Variants in HIP1R observed in about 807,000 individuals in gnomAD.
The protein encoded by HIP1R is huntingtin-interacting protein 1-related protein.
A neutral mutation model predicts 144.2 loss-of-function variants in HIP1R; 135 were observed. The ratio of observed to expected loss-of-function variants is 0.94; its 90% CI spans 0.81 to 1.08. The LOEUF (loss-of-function observed/expected upper bound fraction) is 1.08, where lower values mean the gene tolerates loss of function less well. HIP1R is among the 50% of genes least tolerant of loss of function. HIP1R has a pLI of 0.00. For synonymous variants in HIP1R, 698 were observed against 612.8 expected (o/e 1.14, Z -2.05); for missense variants, 1,462 against 1,432.8 (o/e 1.02, Z -0.33).
At chr12:122,835,436 G>A (rs1566097976), upstream of HIP1R, 5 of 1,141,398 alleles carry the variant, frequency 4.4e-6, no homozygotes, top group Non-Finnish European at 5.4e-6. Context: ...CTCCTCCCCG[G>A]CGGGCGGGCC....
At chr12:122,858,811 C>G (rs2033675307) in intron 20 of HIP1R, 27 bp from the exon 21 acceptor site, 2 of 1,522,576 alleles carry the variant, frequency 1.3e-6, no homozygotes, top group Non-Finnish European at 1.8e-6. Flanking sequence ...CATCCTCCCC[C>G]AACCTTGGCC....
At chr12:122,859,602 G>T in intron 23 of HIP1R, 66 bp downstream of exon 23, 1 of 1,429,560 alleles carries the variant, frequency 7.0e-7, no homozygotes, top group Non-Finnish European at 9.7e-7. Context: ...GCCCCAACTG[G>T]GCTGGGTACA....
In HIP1R at chr12:122,859,549, T is replaced by G. The variant is rs1430134711; in HGVS notation, c.2406+13T>G. ...GCGGAGGATTGAGGTGAGCACGGGA[T>G]CTGGGGACTCCCCTCATTCCTGTGG... is the stretch of plus-strand genomic sequence containing the variant. On this transcript the variant is annotated intron_variant, in intron 23 of 31. Transcript: ENST00000253083. The G allele has an allele frequency of 1.3e-6, 2 of 1,593,154 alleles. No homozygotes were observed. The highest frequency in any genetic ancestry group is 1.7e-6 in the Non-Finnish European group (2 of 1,162,120).
intron 22 of HIP1R, 40 bp from the exon 23 acceptor site, chr12:122,859,386 G>GC (rs747699397): frequency 9.6e-6 from 15 of 1,565,098 alleles, no homozygotes; most frequent in African/African-American, 1.4e-5. Flanking sequence ...GGGACGGGGG[G>GC]GGACGGAGGC....
intron 2 of HIP1R, 28 bp from the exon 3 acceptor site, chr12:122,848,438 G>A: frequency 6.3e-7 from 1 of 1,594,518 alleles, no homozygotes; most frequent in East Asian, 2.2e-5. Flanking sequence ...TCCAGTCTCT[G>A]CTTCCACACT....
Position 122,855,065 on chromosome 12 carries a change from C to CAGACA in HIP1R, c.789_790insAGACA (p.Phe264ArgfsTer43). On this transcript the variant is annotated frameshift_variant, in exon 10 of 32. Transcript: ENST00000253083. LOFTEE classifies it high-confidence loss of function. The stretch of plus-strand genomic sequence containing the variant: ...ACCATCTCTGCAGCCTCAGGAACTT[C>CAGACA]TTCCGCAGAGCCTCCGACATGCTGT... 1 of 1,613,930 alleles carries CAGACA rather than the reference C, an allele frequency of 6.2e-7. No individual in the cohort carries two copies. Among genetic ancestry groups the CAGACA allele is most frequent in the Non-Finnish European group, 8.5e-7 (1 of 1,180,018 alleles).
intron 1 of HIP1R, among the ~76,000 whole-genome samples, chr12:122,843,917 T>C (rs915353682): frequency 1.3e-5 from 2 of 152,170 alleles, no homozygotes; most frequent in Non-Finnish European, 2.9e-5. Flanking sequence ...AGTGGCATGA[T>C]CTTGGTCACT....
intron 8 of HIP1R, among the ~76,000 whole-genome samples, chr12:122,854,588 T>G (rs78501984): frequency 0.074 from 11,199 of 151,268 alleles, 646 homozygotes; most frequent in South Asian, 0.16. Flanking sequence ...TGAGAACCAC[T>G]GTGTTAGTGT....
chr12:122,861,691 C>T lies in HIP1R; in HGVS notation c.3160-15C>T. On this transcript the variant is annotated splice_polypyrimidine_tract_variant and intron_variant, in intron 31 of 31. Transcript: ENST00000253083. ...CTGGCTGTGACCACTGACCCCCCACCTTTAACCCCTGCAGCTTGACAAAAA... is the reference window on the plus strand; with the variant it reads ...CTGGCTGTGACCACTGACCCCCCACTTTTAACCCCTGCAGCTTGACAAAAA... 1 of 1,614,024 alleles carries T rather than the reference C, an allele frequency of 6.2e-7. No individual in the cohort carries two copies. Among genetic ancestry groups the T allele is most frequent in the Non-Finnish European group, 8.5e-7 (1 of 1,179,948 alleles).
rs936455820 is a variant in HIP1R at position 122,850,242 on chromosome 12, C to T, written c.438+287C>T. On this transcript the variant is annotated intron_variant, in intron 5 of 31. Transcript: ENST00000253083. ...GTCTCTGCTGTGCTGGCCGGGTGCT[C>T]CCCTCCTCCCAACCCCTCCACTGCC... is the stretch of plus-strand genomic sequence containing the variant. 5.5e-5 allele frequency: 32 copies of T among 582,602 alleles called. No homozygotes were observed. In the Admixed American group the frequency reaches 6.5e-4, roughly 12 times the overall value. The allele number at this position is 582,602 out of a possible 1,614,324, so 36.1% of individuals were successfully genotyped here.
In HIP1R at chr12:122,841,814, C is replaced by T. The variant is rs757520732; in HGVS notation, c.93+6171C>T. 8.5e-5 allele frequency among the ~76,000 whole-genome samples: 13 copies of T among 152,292 alleles called. 1 individual carries two copies. Among genetic ancestry groups the T allele is most frequent in the East Asian group, 3.9e-4 (2 of 5,172 alleles). On this transcript the variant is annotated intron_variant, in intron 1 of 31. Transcript: ENST00000253083. ...TCCTCCTACTACTGGGTGTCACCCA[C>T]AAAGCCTGGGGCGGAGGTGGCAGTG...
At chr12:122,849,159 G>A (rs1044221574) in intron 4 of HIP1R, among the ~76,000 whole-genome samples, 4 of 152,252 alleles carry the variant, frequency 2.6e-5, no homozygotes, top group African/African-American at 7.2e-5. Flanking sequence ...GTGGCAGGGC[G>A]CAGGTTCCTG....
At chr12:122,837,776 G>A (rs937978413) in intron 1 of HIP1R, among the ~76,000 whole-genome samples, 1 of 152,318 alleles carries the variant, frequency 6.6e-6, no homozygotes, top group Admixed American at 6.5e-5. Flanking sequence ...GGGTTTGCTC[G>A]TCTTCACAGT....
intron 5 of HIP1R, 58 bp downstream of exon 5, chr12:122,850,013 C>T (rs748380036): frequency 5.9e-5 from 67 of 1,140,056 alleles, no homozygotes; most frequent in East Asian, 5.6e-4. Flanking sequence ...CCCACTGTGA[C>T]GTTATGGCAC....
In HIP1R at chr12:122,848,782, T is replaced by A; in HGVS notation, c.301-14T>A. ...CCTGGACACTCCCCCACTCCCGTATTCCCTGCGCTGCAGGTGCTGCATGAC... is the reference window on the plus strand; with the variant it reads ...CCTGGACACTCCCCCACTCCCGTATACCCTGCGCTGCAGGTGCTGCATGAC... On this transcript the variant is annotated splice_polypyrimidine_tract_variant and intron_variant, in intron 3 of 31. Coordinates refer to ENST00000253083, the MANE Select transcript of HIP1R (RefSeq NM_003959.3). 6.2e-7 allele frequency: 1 copy of A among 1,613,138 alleles called. No individual in the cohort carries two copies. The highest frequency in any genetic ancestry group is 8.5e-7 in the Non-Finnish European group (1 of 1,179,944).
At chr12:122,850,343 C>T (rs1016721451) in intron 5 of HIP1R, 8 of 477,156 alleles carry the variant, frequency 1.7e-5, no homozygotes, top group Non-Finnish European at 2.9e-5. Flanking sequence ...GTTCAGTGGC[C>T]GCTGGGTTGG....
chr12:122,835,814 G>GC, intron 1 of HIP1R, among the ~76,000 whole-genome samples, 171 bp downstream of exon 1: 1 of 148,598 alleles, frequency 6.7e-6, no homozygotes, highest in South Asian at 2.1e-4. Flanking sequence ...CTCCGCTGCC[G>GC]CCCCCCGCCG....
At chr12:122,843,269 C>T (rs908591556) in intron 1 of HIP1R, among the ~76,000 whole-genome samples, 3 of 152,246 alleles carry the variant, frequency 2.0e-5, no homozygotes, top group African/African-American at 7.2e-5. Flanking sequence ...ATCTCCATCT[C>T]TGGTCCATGT....
chr12:122,854,913 G>A lies in HIP1R; in HGVS notation c.727G>A (p.Ala243Thr), dbSNP rs769222824. Residue 243 changes from alanine (A) to threonine (T), a missense_variant, in exon 9 of 32, where the codon GCG becomes ACG. Physicochemically the swap from Ala to Thr is moderately conservative, Grantham distance 58. Transcript: ENST00000253083. Reference protein sequence around the residue: ...LLFKLHSCLPADTLQGHRDRF... With the variant: ...LLFKLHSCLPTDTLQGHRDRF... ...CTTGTGCCACCCTCCAGGTCTCCCT[G>A]CGGACACCCTGCAAGGCCACAGGGA... The A allele has an allele frequency of 1.2e-6, 2 of 1,612,892 alleles. No individual in the cohort carries two copies. Among genetic ancestry groups the A allele is most frequent in the South Asian group, 2.2e-5 (2 of 91,074 alleles).
Sources: allele counts gnomAD v4.1 joint callset (sites outside exome capture counted in the v4.1 genomes callset), GRCh38; gene constraint gnomAD v4.1.1; transcripts MANE v1.5; gene names NCBI Gene and HGNC (gene_info 2026-07-23, HGNC 2026-07-21).